The following PRKCA variants were observed in gnomAD, a reference collection of about 807,000 sequenced individuals.
PRKCA encodes the protein protein kinase C alpha.
PRKCA carries 27 observed loss-of-function variants against 87.0 expected under a neutral mutation model. The ratio of observed to expected loss-of-function variants is 0.31; its 90% CI spans 0.23 to 0.43. PRKCA has a LOEUF of 0.43. PRKCA is among the 20% of genes least tolerant of loss of function. The probability of loss-of-function intolerance (pLI) is 1.00; values close to 1 mark genes in which losing one functional copy is unlikely to be tolerated. For missense variants in PRKCA, 518 were observed against 852.3 expected (o/e 0.61, Z 4.88); for synonymous variants, 329 against 311.1 (o/e 1.06, Z -0.61).
intron 13 of PRKCA, among the ~76,000 whole-genome samples, chr17:66,751,365 T>G (rs1974423300): frequency 6.6e-6 from 1 of 152,196 alleles, no homozygotes; most frequent in African/African-American, 2.4e-5. Flanking sequence ...AGGGGCAGAA[T>G]GCTGGCCCGC....
intron 2 of PRKCA, among the ~76,000 whole-genome samples, chr17:66,385,553 A>G (rs1880715668): frequency 1.3e-5 from 2 of 152,146 alleles, no homozygotes; most frequent in Non-Finnish European, 2.9e-5. Context: ...TATTTTTTAT[A>G]AAAACTCTTT....
In PRKCA at chr17:66,774,016, T is replaced by C. The variant is rs754471094; in HGVS notation, c.1554T>C (p.Ser518=). 6.2e-7 allele frequency: 1 copy of C among 1,614,142 alleles called. No individual in the cohort carries two copies. The change falls in exon 14 of 17, where the codon TCT becomes TCC. Residue 518 remains serine (S), a synonymous_variant. Transcript: ENST00000413366. ...TCGCTTATCAGCCGTATGGAAAATC[T>C]GTGGACTGGTGGGCCTATGGCGTCC... ...EIIAYQPYGK[S]VDWWAYGVLL...
Position 66,803,857 on chromosome 17 carries a change from T to C in PRKCA, c.1855-16T>C. ...ATGTTGACTGACCTTTCCTTCTTTT[T>C]GTCTTTTCTCCACAGTGTGGCAAAG... On this transcript the variant is annotated splice_polypyrimidine_tract_variant and intron_variant, in intron 16 of 16. Transcript: ENST00000413366. This position sits in a 1 kb window ranked among gnomAD's most constrained non-coding sequence, Gnocchi z 4.4. 6.2e-7 allele frequency: 1 copy of C among 1,611,348 alleles called. No individual in the cohort carries two copies. The highest frequency in any genetic ancestry group is 8.5e-7 in the Non-Finnish European group (1 of 1,177,982).
chr17:66,554,153 C>T (rs1005223561), intron 3 of PRKCA, among the ~76,000 whole-genome samples: 6 of 151,828 alleles, frequency 4.0e-5, no homozygotes, highest in African/African-American at 7.3e-5. Flanking sequence ...TGGTGGCTCA[C>T]GCCTGTCATC....
intron 2 of PRKCA, among the ~76,000 whole-genome samples, chr17:66,385,958 C>T (rs1026018490): frequency 3.3e-5 from 5 of 152,158 alleles, no homozygotes; most frequent in Admixed American, 6.5e-5. Context: ...TGGGGTTTTG[C>T]CATGTTGGCC....
At chr17:66,675,375 C>T (rs1972300605) in intron 5 of PRKCA, among the ~76,000 whole-genome samples, 1 of 152,146 alleles carries the variant, frequency 6.6e-6, no homozygotes, top group African/African-American at 2.4e-5. Flanking sequence ...GGATTTCAAA[C>T]ACAAATTGGG....
intron 3 of PRKCA, among the ~76,000 whole-genome samples, chr17:66,640,471 C>T (rs1971260516): frequency 6.6e-6 from 1 of 152,172 alleles, no homozygotes; most frequent in African/African-American, 2.4e-5. Context: ...ATTTCAGTGC[C>T]TTTACGATTT....
chr17:66,522,403 T>A (rs1321600081), intron 3 of PRKCA, among the ~76,000 whole-genome samples: 5 of 152,156 alleles, frequency 3.3e-5, no homozygotes, highest in Non-Finnish European at 1.5e-5. Flanking sequence ...AAGGAGCTCT[T>A]GTCAGTTGGC....
chr17:66,794,454 CTT>C (rs113607372), intron 16 of PRKCA, among the ~76,000 whole-genome samples: 9 of 141,692 alleles, frequency 6.4e-5, no homozygotes, highest in African/African-American at 2.1e-4. Context: ...TGCAAGGATC[CTT>C]TTTTTTTTTT....
chr17:66,568,236 C>T (rs1179904893), intron 3 of PRKCA, among the ~76,000 whole-genome samples: 2 of 152,176 alleles, frequency 1.3e-5, no homozygotes, highest in African/African-American at 4.8e-5. Flanking sequence ...ATCACTTGAA[C>T]CCCAAAGGCA....
intron 2 of PRKCA, among the ~76,000 whole-genome samples, chr17:66,321,647 G>A (rs1163424330): frequency 5.9e-5 from 9 of 152,118 alleles, no homozygotes; most frequent in African/African-American, 9.7e-5. Flanking sequence ...GGGTTCAAGC[G>A]ATTCTCCTGC....
At chr17:66,483,908 A>G (rs973419822) in intron 2 of PRKCA, among the ~76,000 whole-genome samples, 2 of 152,156 alleles carry the variant, frequency 1.3e-5, no homozygotes, top group Non-Finnish European at 2.9e-5. Context: ...TAGAACATCA[A>G]CATGAATTTT....
intron 3 of PRKCA, among the ~76,000 whole-genome samples, chr17:66,611,527 T>C (rs1189961189): frequency 6.6e-6 from 1 of 152,242 alleles, no homozygotes; most frequent in African/African-American, 2.4e-5. Flanking sequence ...TTCATTGTTT[T>C]AATGGCCTAA....
At chr17:66,514,495 C>T (rs1514651) in intron 3 of PRKCA, among the ~76,000 whole-genome samples, 75,150 of 151,726 alleles carry the variant, frequency 0.5, 18,920 homozygotes, top group East Asian at 0.75. Flanking sequence ...GACTAAGCAG[C>T]GACTTGAACT....
intron 11 of PRKCA, 67 bp downstream of exon 11, chr17:66,738,922 T>TA: frequency 7.5e-7 from 1 of 1,329,100 alleles, no homozygotes; most frequent in East Asian, 2.4e-5. Context: ...ACTTCCTTTT[T>TA]TCCCCCCCGC....
chr17:66,347,789 A>G (rs962315712), intron 2 of PRKCA, among the ~76,000 whole-genome samples: 2 of 152,104 alleles, frequency 1.3e-5, no homozygotes, highest in African/African-American at 2.4e-5. Context: ...GTATCTGCCA[A>G]ATATCCAAGT....
At chr17:66,501,651 G>A (rs375430195) in intron 3 of PRKCA, among the ~76,000 whole-genome samples, 34 of 152,278 alleles carry the variant, frequency 2.2e-4, no homozygotes, top group African/African-American at 7.7e-4. Flanking sequence ...CAGGTGTGTG[G>A]CCCTAGAATG....
intron 2 of PRKCA, among the ~76,000 whole-genome samples, chr17:66,396,362 A>C (rs558459896): frequency 1.3e-5 from 2 of 152,252 alleles, no homozygotes; most frequent in East Asian, 3.9e-4. Context: ...TCTAAAAATC[A>C]TTTGCCTTTT....
At chr17:66,507,849 C>G (rs1917045483) in intron 3 of PRKCA, among the ~76,000 whole-genome samples, 1 of 152,204 alleles carries the variant, frequency 6.6e-6, no homozygotes, top group Non-Finnish European at 1.5e-5. Context: ...ATTCAGTTAG[C>G]TGGTACCTTC....
Sources: allele counts gnomAD v4.1 joint callset (sites outside exome capture counted in the v4.1 genomes callset), GRCh38; gene constraint gnomAD v4.1.1; non-coding constraint Gnocchi (gnomAD v3.1); transcripts MANE v1.5; gene names NCBI Gene and HGNC (gene_info 2026-07-23, HGNC 2026-07-21).